Variants in COMMD1 observed in about 807,000 individuals in gnomAD.
COMMD1 encodes copper metabolism domain containing 1, also known as COMM domain-containing protein 1.
Under a neutral mutation model 17.2 loss-of-function variants are expected in COMMD1, and 10 were observed. The observed-to-expected ratio is 0.58, with a 90% CI of 0.36 to 0.99. The LOEUF (loss-of-function observed/expected upper bound fraction) is 0.99, where lower values mean the gene tolerates loss of function less well. Ranked by LOEUF, COMMD1 falls within the 50% of genes least tolerant of loss-of-function variation. The pLI is 0.01. For synonymous variants in COMMD1, 97 were observed against 91.6 expected (o/e 1.06, Z -0.34); for missense variants, 270 against 231.8 (o/e 1.17, Z -1.07).
intron 2 of COMMD1, among the ~76,000 whole-genome samples, chr2:62,115,444 A>G (rs1333001552): frequency 6.6e-6 from 1 of 152,276 alleles, no homozygotes; most frequent in African/African-American, 2.4e-5. Flanking sequence ...CTTGAAAGAT[A>G]CATGAGATTT....
intron 1 of COMMD1, among the ~76,000 whole-genome samples, chr2:61,926,401 C>G (rs1039242599): frequency 2.0e-5 from 3 of 152,150 alleles, no homozygotes; most frequent in Non-Finnish European, 4.4e-5. Flanking sequence ...AATATACTTT[C>G]AGACATAGTG....
intron 1 of COMMD1, among the ~76,000 whole-genome samples, chr2:61,919,474 C>T (rs1670131442): frequency 6.6e-6 from 1 of 151,302 alleles, no homozygotes; most frequent in Middle Eastern, 3.4e-3. Context: ...CACTACTACA[C>T]CTAACTAATT....
At chr2:62,058,471 C>T (rs368153652) in intron 2 of COMMD1, among the ~76,000 whole-genome samples, 2 of 152,158 alleles carry the variant, frequency 1.3e-5, no homozygotes, top group South Asian at 2.1e-4. Context: ...CCTCTCACTT[C>T]AGCCTTCAAA....
chr2:62,010,815 T>C (rs1331602939), intron 2 of COMMD1, among the ~76,000 whole-genome samples: 1 of 152,218 alleles, frequency 6.6e-6, no homozygotes, highest in Non-Finnish European at 1.5e-5. Context: ...TCCTAGATTA[T>C]AACATCCTCC....
intron 1 of COMMD1, among the ~76,000 whole-genome samples, chr2:61,929,529 AT>A (rs1183605542): frequency 2.0e-5 from 3 of 152,106 alleles, no homozygotes; most frequent in Non-Finnish European, 4.4e-5. Flanking sequence ...GCCCTATCAT[AT>A]TTCTCCACGA....
intron 2 of COMMD1, chr2:62,100,267 A>C (rs1029840502): frequency 6.6e-6 from 1 of 151,926 alleles, no homozygotes; most frequent in Non-Finnish European, 1.5e-5. Flanking sequence ...GTTTTAGGCA[A>C]CTCCTTCAGG....
chr2:62,123,232 A>G (rs377562332), intron 2 of COMMD1, among the ~76,000 whole-genome samples: 40 of 152,200 alleles, frequency 2.6e-4, no homozygotes, highest in African/African-American at 9.2e-4. Flanking sequence ...TGGGCCAGGC[A>G]CGGTGGCTCA....
chr2:62,122,331 C>G (rs985123484), intron 2 of COMMD1, among the ~76,000 whole-genome samples: 1 of 152,022 alleles, frequency 6.6e-6, no homozygotes, highest in African/African-American at 2.4e-5. Context: ...TTGAAAGTAT[C>G]AAAACTCGGG....
At chr2:62,034,642 T>A (rs575244863) in intron 2 of COMMD1, among the ~76,000 whole-genome samples, 29 of 152,352 alleles carry the variant, frequency 1.9e-4, no homozygotes, top group Non-Finnish European at 3.5e-4. Flanking sequence ...CATTTTGTAA[T>A]TGGGCCATAT....
At chr2:62,030,799 T>C (rs1232598487) in intron 2 of COMMD1, among the ~76,000 whole-genome samples, 1 of 152,172 alleles carries the variant, frequency 6.6e-6, no homozygotes, top group African/African-American at 2.4e-5. Flanking sequence ...GTATTAGTTA[T>C]TTTACCATTT....
intron 1 of COMMD1, among the ~76,000 whole-genome samples, chr2:61,941,047 T>G (rs1670734691): frequency 6.6e-6 from 1 of 150,978 alleles, no homozygotes; most frequent in Admixed American, 6.6e-5. Flanking sequence ...ACCCCCCCTT[T>G]TTTTTTGGGA....
intron 2 of COMMD1, among the ~76,000 whole-genome samples, chr2:62,067,943 G>T (rs373688890): frequency 1.3e-5 from 2 of 152,102 alleles, no homozygotes; most frequent in Non-Finnish European, 2.9e-5. Flanking sequence ...ACTTTTACTA[G>T]AATTGATTTT....
chr2:61,914,111 G>T (rs559512616), intron 1 of COMMD1, among the ~76,000 whole-genome samples: 20 of 149,028 alleles, frequency 1.3e-4, no homozygotes, highest in Non-Finnish European at 2.7e-4. Flanking sequence ...GGCGGAGCTT[G>T]CAGTGAGCGG....
In COMMD1 at chr2:61,979,747, ATT is replaced by A. The variant is rs200234500; in HGVS notation, c.181-20942_181-20941del. 5.1e-3 allele frequency among the ~76,000 whole-genome samples: 731 copies of A among 144,650 alleles called. 3 individuals are homozygous for A. Among genetic ancestry groups the A allele is most frequent in the African/African-American group, 0.016 (628 of 39,554 alleles). 94.9% of individuals were successfully genotyped at this position (144,650 alleles called of 152,430 possible). A position where few individuals can be genotyped will look rare whatever the true frequency, so the allele number is the denominator to read the frequency against. ...ATTGCCTGTCTTTTGGATATAAGTCATTTTTTTTTTTTTATTATACTCTAAGT... is the reference window on the plus strand; with the variant it reads ...ATTGCCTGTCTTTTGGATATAAGTCATTTTTTTTTTTATTATACTCTAAGT... On this transcript the variant is annotated intron_variant, in intron 1 of 2. Coordinates refer to ENST00000311832, the MANE Select transcript of COMMD1 (RefSeq NM_152516.4).
At chr2:62,002,053 C>T (rs1668961203) in intron 2 of COMMD1, among the ~76,000 whole-genome samples, 1 of 152,114 alleles carries the variant, frequency 6.6e-6, no homozygotes, top group South Asian at 2.1e-4. Context: ...GCCTGTAATC[C>T]TAGCTACTTG....
chr2:61,975,118 C>CTTTTTTTTTTTTTT, intron 1 of COMMD1, among the ~76,000 whole-genome samples: 201 of 80,140 alleles, frequency 2.5e-3, no homozygotes, highest in East Asian at 3.4e-3. Context: ...TCATTTCTTT[C>CTTTTTTTTTTTTTT]TTTTTTTTTT....
At position 62,010,695 on chromosome 2, in the gene COMMD1, C is replaced by A. The variant is rs186376246; in HGVS notation, c.462+9713C>A. On this transcript the variant is annotated intron_variant, in intron 2 of 2. Transcript: ENST00000311832. Reference sequence around the variant, plus strand: ...TTCATATCTTTTTGTTTTCTCCTACCCACATCCATTCCACCATCAAATCTT... The same window carrying A: ...TTCATATCTTTTTGTTTTCTCCTACACACATCCATTCCACCATCAAATCTT... Among the ~76,000 whole-genome samples, 15 of 152,188 alleles carry A rather than the reference C, an allele frequency of 9.9e-5. No individual in the cohort carries two copies. In the East Asian group the frequency reaches 2.9e-3, roughly 29 times the overall value.
At position 62,115,825 on chromosome 2, in the gene COMMD1, GT is replaced by G. The variant is rs1193748191; in HGVS notation, c.463-19996del. ...GATAGGAAAGTCATAATTTTGGTGGGTTTTTTTTTTCTTTCTTTCTTTCTTT... is the reference window on the plus strand; with the variant it reads ...GATAGGAAAGTCATAATTTTGGTGGGTTTTTTTTTCTTTCTTTCTTTCTTT... On this transcript the variant is annotated intron_variant, in intron 2 of 2. Transcript: ENST00000311832. Among the ~76,000 whole-genome samples the G allele has an allele frequency of 1.7e-3, 233 of 139,598 alleles. 1 individual carries two copies. Among genetic ancestry groups the G allele is most frequent in the Non-Finnish European group, 3.0e-3 (187 of 63,120 alleles). 91.6% of individuals were successfully genotyped at this position (139,598 alleles called of 152,430 possible).
intron 2 of COMMD1, among the ~76,000 whole-genome samples, chr2:62,055,904 T>C (rs1345030207): frequency 6.6e-6 from 1 of 152,242 alleles, no homozygotes; most frequent in Non-Finnish European, 1.5e-5. Context: ...ATGAGTCTAC[T>C]GGTGTTGACA....
Sources: gnomAD v4.1 joint callset for allele counts (sites outside exome capture counted in the v4.1 genomes callset) on GRCh38, gnomAD v4.1.1 for gene constraint, MANE v1.5 for transcripts, NCBI Gene and HGNC (gene_info 2026-07-23, HGNC 2026-07-21) for gene names.